Variants in ATXN2 observed in about 807,000 individuals in gnomAD.
ATXN2 encodes the protein ataxin 2, also known as ataxin-2.
Under a neutral mutation model 138.6 loss-of-function variants are expected in ATXN2, and 37 were observed. The ratio of observed to expected loss-of-function variants is 0.27; its 90% CI spans 0.21 to 0.35. ATXN2 has a LOEUF of 0.35. Ranked by LOEUF, ATXN2 falls within the 10% of genes least tolerant of loss-of-function variation. The probability of loss-of-function intolerance (pLI) is 1.00; values close to 1 mark genes in which losing one functional copy is unlikely to be tolerated. For synonymous variants in ATXN2, 549 were observed against 543.7 expected (o/e 1.01, Z -0.13); for missense variants, 1,216 against 1,480.3 (o/e 0.82, Z 2.93).
chr12:111,587,428 G>C (rs1485582430), intron 1 of ATXN2, among the ~76,000 whole-genome samples: 2 of 151,854 alleles, frequency 1.3e-5, no homozygotes, highest in African/African-American at 2.4e-5. Flanking sequence ...GGGAAAACTA[G>C]GTGGGTGGAT....
chr12:111,505,304 A>G (rs974062006), intron 14 of ATXN2, among the ~76,000 whole-genome samples: 1 of 152,238 alleles, frequency 6.6e-6, no homozygotes, highest in African/African-American at 2.4e-5. Flanking sequence ...TTGATGAAAC[A>G]GTATTTTCTT....
Position 111,599,079 on chromosome 12 carries a change from C to A in ATXN2, c.-45G>T, listed in dbSNP as rs1483885895. On this transcript the variant is annotated 5_prime_UTR_variant, in exon 1 of 25. Transcript: ENST00000673436. Reference sequence around the variant, plus strand: ...GGCTCGCACGCCGGGCGGGGACAGCCGGGAGCCGGGCGCGCCAAGGAGACG... The same window carrying A: ...GGCTCGCACGCCGGGCGGGGACAGCAGGGAGCCGGGCGCGCCAAGGAGACG... The A allele has an allele frequency of 1.4e-6, 2 of 1,383,162 alleles. No individual in the cohort carries two copies. Among genetic ancestry groups the A allele is most frequent in the Non-Finnish European group, 1.9e-6 (2 of 1,067,368 alleles). 85.7% of individuals were successfully genotyped at this position (1,383,162 alleles called of 1,614,324 possible). A position where few individuals can be genotyped will look rare whatever the true frequency, so the allele number is the denominator to read the frequency against.
intron 18 of ATXN2, among the ~76,000 whole-genome samples, chr12:111,475,249 CAGG>C (rs762567928): frequency 4.1e-5 from 6 of 147,070 alleles, no homozygotes; most frequent in Non-Finnish European, 7.4e-5. Flanking sequence ...GAGGCTGAGG[CAGG>C]AGAATTGCTT....
intron 6 of ATXN2, among the ~76,000 whole-genome samples, chr12:111,521,336 G>A (rs964766962): frequency 1.3e-5 from 2 of 152,160 alleles, no homozygotes; most frequent in African/African-American, 4.8e-5. Context: ...CTGGTCCTCA[G>A]GTCTGTGGAG....
chr12:111,487,047 T>C (rs980040497), intron 15 of ATXN2, among the ~76,000 whole-genome samples: 1 of 152,140 alleles, frequency 6.6e-6, no homozygotes, highest in African/African-American at 2.4e-5. Context: ...ATCTGAGTAA[T>C]ATACAACCGT....
chr12:111,509,524 A>T, intron 14 of ATXN2, 25 bp downstream of exon 14: 1 of 1,286,240 alleles, frequency 7.8e-7, no homozygotes, highest in South Asian at 1.3e-5. Flanking sequence ...TAAAACTCAA[A>T]TTCATCAGTT....
intron 18 of ATXN2, 135 bp downstream of exon 18, chr12:111,485,127 ATGT>A: frequency 1.4e-6 from 1 of 695,778 alleles, no homozygotes; most frequent in Non-Finnish European, 2.4e-6. Context: ...TATCTATGTA[ATGT>A]TGTTCATCAA....
intron 19 of ATXN2, 115 bp downstream of exon 19, chr12:111,470,443 A>T: frequency 7.9e-7 from 1 of 1,259,508 alleles, no homozygotes; most frequent in Non-Finnish European, 1.1e-6. Context: ...CCAAGTCCTT[A>T]GCTATCTACC....
chr12:111,560,468 T>C (rs1566064426), intron 1 of ATXN2, among the ~76,000 whole-genome samples: 1 of 151,910 alleles, frequency 6.6e-6, no homozygotes, highest in African/African-American at 2.4e-5. Context: ...CAGCATCACC[T>C]AGTAATTAGT....
chr12:111,560,742 C>A (rs1255107904), intron 1 of ATXN2, among the ~76,000 whole-genome samples: 2 of 151,602 alleles, frequency 1.3e-5, no homozygotes, highest in African/African-American at 4.9e-5. Flanking sequence ...CTTAAAATGT[C>A]CAGTTTTCAA....
At position 111,453,327 on chromosome 12, in the gene ATXN2, CCCA is replaced by C; in HGVS notation, c.3439+347_3439+349del. 1 of 1,083,348 alleles carries C rather than the reference CCCA, an allele frequency of 9.2e-7. No homozygotes were observed. The highest frequency in any genetic ancestry group is 1.1e-6 in the Non-Finnish European group (1 of 893,588). 67.1% of individuals were successfully genotyped at this position (1,083,348 alleles called of 1,614,324 possible). A position where few individuals can be genotyped will look rare whatever the true frequency, so the allele number is the denominator to read the frequency against. ...TCAAACTCTGCCATGGTAATAACCC[CCCA>C]CATGTCAGACTTTTGGGACTCAGGA... On this transcript the variant is annotated intron_variant, in intron 24 of 24. Transcript: ENST00000673436. This position sits in a 1 kb window ranked among gnomAD's most constrained non-coding sequence, Gnocchi z 5.4.
intron 5 of ATXN2, among the ~76,000 whole-genome samples, chr12:111,531,310 G>A (rs940127331): frequency 6.6e-6 from 1 of 152,194 alleles, no homozygotes; most frequent in African/African-American, 2.4e-5. Context: ...CTACTCGGGA[G>A]GCTGAGGCAG....
intron 5 of ATXN2, among the ~76,000 whole-genome samples, chr12:111,530,330 T>C (rs1335125200): frequency 1.3e-5 from 2 of 152,122 alleles, no homozygotes; most frequent in Non-Finnish European, 2.9e-5. Flanking sequence ...ATGAAGCAAA[T>C]CTTTTAGAAT....
intron 1 of ATXN2, among the ~76,000 whole-genome samples, chr12:111,588,586 C>A (rs1884462259): frequency 6.6e-6 from 1 of 151,382 alleles, no homozygotes. Flanking sequence ...CGCACCACTG[C>A]ACTCCAGCCT....
chr12:111,490,943 T>C (rs1006096456), intron 14 of ATXN2, among the ~76,000 whole-genome samples: 6 of 152,070 alleles, frequency 3.9e-5, no homozygotes, highest in African/African-American at 1.4e-4. Context: ...CAGAGGGGAA[T>C]TGTCCATCCC....
At chr12:111,461,762 A>C (rs1264606891) in intron 21 of ATXN2, among the ~76,000 whole-genome samples, 1 of 151,884 alleles carries the variant, frequency 6.6e-6, no homozygotes, top group Non-Finnish European at 1.5e-5. Flanking sequence ...TCTACTAAAA[A>C]TACAAAAAAA....
intron 5 of ATXN2, among the ~76,000 whole-genome samples, chr12:111,528,429 G>C (rs369080146): frequency 4.6e-5 from 7 of 152,170 alleles, no homozygotes; most frequent in African/African-American, 1.4e-4. Context: ...GTGTGGAAAA[G>C]CAAGCAAGCG....
chr12:111,515,041 A>G (rs1879775147), intron 10 of ATXN2, among the ~76,000 whole-genome samples: 1 of 152,204 alleles, frequency 6.6e-6, no homozygotes, highest in Non-Finnish European at 1.5e-5. Flanking sequence ...AAAAATATCA[A>G]CAGAATTTTG....
At chr12:111,542,993 G>C (rs936626523) in intron 5 of ATXN2, among the ~76,000 whole-genome samples, 15 of 152,100 alleles carry the variant, frequency 9.9e-5, no homozygotes. Flanking sequence ...TTAATAAATG[G>C]AAGATGACCA....
Sources: gnomAD v4.1 joint callset for allele counts (sites outside exome capture counted in the v4.1 genomes callset) on GRCh38, gnomAD v4.1.1 for gene constraint, Gnocchi (gnomAD v3.1) non-coding constraint, MANE v1.5 for transcripts, NCBI Gene and HGNC (gene_info 2026-07-23, HGNC 2026-07-21) for gene names.